The following SDR16C5 variants were observed in gnomAD, a reference collection of about 807,000 sequenced individuals.
The protein encoded by SDR16C5 is short chain dehydrogenase/reductase family 16C member 5.
SDR16C5 carries 20 observed loss-of-function variants against 27.7 expected under a neutral mutation model. The observed-to-expected ratio is 0.72, with a 90% confidence interval of 0.51 to 1.05. The LOEUF (loss-of-function observed/expected upper bound fraction) is 1.05, where lower values mean the gene tolerates loss of function less well. Ranked by LOEUF, SDR16C5 falls within the 50% of genes least tolerant of loss-of-function variation. The pLI is 0.00. For synonymous variants in SDR16C5, 139 were observed against 132.3 expected (o/e 1.05, Z -0.35); for missense variants, 374 against 366.3 (o/e 1.02, Z -0.17).
intron 1 of SDR16C5, among the ~76,000 whole-genome samples, chr8:56,318,799 T>C (rs977378294): frequency 6.6e-6 from 1 of 152,174 alleles, no homozygotes; most frequent in Non-Finnish European, 1.5e-5. Flanking sequence ...GCTTACTAGA[T>C]TTCTAAGAGC....
chr8:56,309,361 T>C (rs1168439548), intron 3 of SDR16C5: 8 of 985,396 alleles, frequency 8.1e-6, no homozygotes, highest in Non-Finnish European at 8.4e-6. Flanking sequence ...CTCACAAACA[T>C]GATGCTTTAG....
chr8:56,312,795 G>A (rs947988720), intron 2 of SDR16C5, among the ~76,000 whole-genome samples: 8 of 98,876 alleles, frequency 8.1e-5, no homozygotes, highest in Non-Finnish European at 1.6e-4. Flanking sequence ...TTTTTTTTTT[G>A]AGATGGAGTC....
chr8:56,313,343 A>G (rs1262164150), intron 2 of SDR16C5, among the ~76,000 whole-genome samples: 1 of 152,262 alleles, frequency 6.6e-6, no homozygotes, highest in East Asian at 1.9e-4. Flanking sequence ...AAGAGAAAGT[A>G]CAGTCATAAA....
At chr8:56,302,582 A>T (rs1440222334) in intron 6 of SDR16C5, among the ~76,000 whole-genome samples, 1 of 151,718 alleles carries the variant, frequency 6.6e-6, no homozygotes, top group Non-Finnish European at 1.5e-5. Flanking sequence ...CTGAGGCAGG[A>T]GAATCACTTG....
chr8:56,305,694 G>T lies in SDR16C5; in HGVS notation c.739C>A (p.Pro247Thr). 1.3e-6 allele frequency: 2 copies of T among 1,593,136 alleles called. No homozygotes were observed. The highest frequency in any genetic ancestry group is 1.2e-5 in the South Asian group (1 of 85,214). The change falls in exon 6 of 7, where the codon CCA (proline) becomes ACA (threonine). Residue 247 changes from proline to threonine, a missense_variant. Transcript: ENST00000303749. Reference sequence around the variant, plus strand: ...ACTATTTTTTCAACTGCATATTTTGGTTCCAGAATTGGCAACAGAGAAGGA... The same window carrying T: ...ACTATTTTTTCAACTGCATATTTTGTTTCCAGAATTGGCAACAGAGAAGGA... ...GCPSLLPILEPKYAVEKIVEA... is the reference protein window; with the variant it reads ...GCPSLLPILETKYAVEKIVEA...
intron 1 of SDR16C5, among the ~76,000 whole-genome samples, chr8:56,319,786 G>A (rs1171713640): frequency 6.6e-6 from 1 of 152,186 alleles, no homozygotes; most frequent in African/African-American, 2.4e-5. Context: ...TGCTCCGGGT[G>A]GGGAGGGAGG....
At chr8:56,303,621 A>C (rs906088431) in intron 6 of SDR16C5, among the ~76,000 whole-genome samples, 29 of 152,170 alleles carry the variant, frequency 1.9e-4, no homozygotes, top group Non-Finnish European at 7.3e-5. Context: ...TGTTTGGTGG[A>C]GTGTTTGATG....
chr8:56,315,942 T>C lies in SDR16C5; in HGVS notation c.333+73A>G, dbSNP rs536351012. On this transcript the variant is annotated intron_variant, in intron 2 of 6. Coordinates refer to ENST00000303749, the MANE Select transcript of SDR16C5 (RefSeq NM_138969.4). ...TAAAGGGACACTGGAGACAGGCTAA[T>C]AGGCACTGAGAAAGGCAAGTGAAAA... 9 of 978,180 alleles carry C rather than the reference T, an allele frequency of 9.2e-6. No homozygotes were observed. In the East Asian group the frequency reaches 1.2e-4, roughly 13 times the overall value. The allele number at this position is 978,180 out of a possible 1,614,324, so 60.6% of individuals were successfully genotyped here.
chr8:56,300,408 G>A lies in SDR16C5; in HGVS notation c.*1072C>T, dbSNP rs543448145. 9.9e-5 allele frequency: 15 copies of A among 152,282 alleles called. No individual in the cohort carries two copies. Among genetic ancestry groups the A allele is most frequent in the African/African-American group, 3.6e-4 (15 of 41,560 alleles). 9.4% of individuals were successfully genotyped at this position (152,282 alleles called of 1,614,324 possible). ...TCCTTGCTCCCCACAAGAGGGAAGA[G>A]ACAAAGGCTGCTGTTTCTCTTGCAA... On this transcript the variant is annotated 3_prime_UTR_variant, in exon 7 of 7. Transcript: ENST00000303749.
At chr8:56,302,178 C>T (rs1158515659) in intron 6 of SDR16C5, among the ~76,000 whole-genome samples, 1 of 152,178 alleles carries the variant, frequency 6.6e-6, no homozygotes, top group Non-Finnish European at 1.5e-5. Flanking sequence ...TTCAATACTG[C>T]AGAGCAAGGA....
At position 56,306,839 on chromosome 8, in the gene SDR16C5, G is replaced by A. The variant is rs2129257938; in HGVS notation, c.566-19C>T. 6.2e-7 allele frequency: 1 copy of A among 1,602,984 alleles called. No individual in the cohort carries two copies. On this transcript the variant is annotated intron_variant, in intron 4 of 6. Transcript: ENST00000303749. ...CAGTAATCTGAAAAAGACAAAGCAT[G>A]ATAACGTATATTCCAAAGTTTTAAA... is the stretch of plus-strand genomic sequence containing the variant.
intron 3 of SDR16C5, among the ~76,000 whole-genome samples, chr8:56,310,086 A>G (rs1028176019): frequency 1.4e-5 from 2 of 142,762 alleles, no homozygotes; most frequent in African/African-American, 5.3e-5. Context: ...AGGAAGAAGA[A>G]GAAGGAGGAA....
chr8:56,311,600 C>T (rs548714599), intron 3 of SDR16C5, among the ~76,000 whole-genome samples: 147 of 152,168 alleles, frequency 9.7e-4, no homozygotes, highest in African/African-American at 3.3e-3. Context: ...GTGCTTTTAG[C>T]GCTGGTAGCA....
chr8:56,312,492 G>T (rs1014659976), intron 2 of SDR16C5, among the ~76,000 whole-genome samples: 5 of 152,080 alleles, frequency 3.3e-5, no homozygotes, highest in African/African-American at 1.2e-4. Flanking sequence ...GTGACTTGAG[G>T]ACAGGAGTTT....
At position 56,310,672 on chromosome 8, in the gene SDR16C5, C is replaced by T. The variant is rs566775798; in HGVS notation, c.465+1485G>A. 6.7e-5 allele frequency among the ~76,000 whole-genome samples: 10 copies of T among 148,906 alleles called. No homozygotes were observed. The East Asian group carries it at 1.2e-3, about 18-fold the overall frequency. On this transcript the variant is annotated intron_variant, in intron 3 of 6. Coordinates refer to ENST00000303749, the MANE Select transcript of SDR16C5 (RefSeq NM_138969.4). ...GGTGGAGGTTGCAGTGAGCCGAGATCGCGCCACTGCACTCCAGCCTGGCGG... is the reference window on the plus strand; with the variant it reads ...GGTGGAGGTTGCAGTGAGCCGAGATTGCGCCACTGCACTCCAGCCTGGCGG...
intron 3 of SDR16C5, among the ~76,000 whole-genome samples, chr8:56,311,830 T>C (rs1423109088): frequency 1.3e-5 from 2 of 152,218 alleles, no homozygotes; most frequent in African/African-American, 4.8e-5. Context: ...AGCAAATCTT[T>C]TAAGTTCTAT....
chr8:56,300,986 C>G lies in SDR16C5; in HGVS notation c.*494G>C, dbSNP rs79325521. On this transcript the variant is annotated 3_prime_UTR_variant, in exon 7 of 7. Transcript: ENST00000303749. ...GGGCACTGGAGGCGGGCCTTTTCTA[C>G]ATTAGGTGGTACAGGTTCAAAATGG... The G allele has an allele frequency of 0.028, 4,328 of 153,536 alleles. 68 individuals carry two copies. The highest frequency in any genetic ancestry group is 0.11 in the Middle Eastern group (34 of 296). The allele number at this position is 153,536 out of a possible 1,614,324, so 9.5% of individuals were successfully genotyped here. A position where few individuals can be genotyped will look rare whatever the true frequency, so the allele number is the denominator to read the frequency against.
chr8:56,304,199 G>A, intron 6 of SDR16C5: 1 of 623,596 alleles, frequency 1.6e-6, no homozygotes, highest in Non-Finnish European at 2.9e-6. Flanking sequence ...TGCTGGCCAT[G>A]TAGTGGAAGT....
intron 5 of SDR16C5, 78 bp downstream of exon 5, chr8:56,306,598 A>G: frequency 7.7e-7 from 1 of 1,292,840 alleles, no homozygotes; most frequent in Non-Finnish European, 1.1e-6. Context: ...ATTTTAAACA[A>G]CTTAAAAAAA....
Sources: allele counts gnomAD v4.1 joint callset (sites outside exome capture counted in the v4.1 genomes callset), GRCh38; gene constraint gnomAD v4.1.1; transcripts MANE v1.5; gene names NCBI Gene and HGNC (gene_info 2026-07-23, HGNC 2026-07-21).